EXOC4: variants seen among roughly 807,000 people sequenced by gnomAD.
EXOC4 encodes the protein SEC8-like 1.
EXOC4 carries 71 observed loss-of-function variants against 107.2 expected under a neutral mutation model. The ratio of observed to expected loss-of-function variants is 0.66; its 90% CI spans 0.55 to 0.81. The LOEUF is 0.81. Among genes scored for constraint, EXOC4 ranks in the 30% least tolerant of loss-of-function variants. The probability of loss-of-function intolerance (pLI) is 0.00; values close to 1 mark genes in which losing one functional copy is unlikely to be tolerated. For missense variants in EXOC4, 1,108 were observed against 1,189.6 expected, an observed-to-expected ratio of 0.93 and a Z score of 1.01; for synonymous variants, 456 against 441.2, an observed-to-expected ratio of 1.03 and a Z score of -0.42.
intron 9 of EXOC4, among the ~76,000 whole-genome samples, chr7:133,517,131 T>G (rs1056952028): frequency 5.3e-5 from 8 of 152,206 alleles, no homozygotes; most frequent in Non-Finnish European, 1.0e-4. Context: ...AATATTTGAT[T>G]TGTAAAAATA....
At chr7:134,004,834 T>C (rs1036034368) in intron 15 of EXOC4, 78 bp from the exon 16 acceptor site, 2 of 1,164,892 alleles carry the variant, frequency 1.7e-6, no homozygotes, top group Non-Finnish European at 2.4e-6. Flanking sequence ...TTAGTTATTT[T>C]GGTGCTCTGT....
At chr7:134,074,048 C>G in the EXOC4 span, among the ~76,000 whole-genome samples, 1 of 152,250 alleles carries the variant, frequency 6.6e-6, no homozygotes. Context: ...TCACAGTTGC[C>G]TGACACGAGG....
At chr7:133,626,091 C>T (rs1447519666) in intron 9 of EXOC4, among the ~76,000 whole-genome samples, 1 of 152,068 alleles carries the variant, frequency 6.6e-6, no homozygotes, top group Non-Finnish European at 1.5e-5. Context: ...CCTGTAATCC[C>T]AGCTACTCAG....
intron 9 of EXOC4, among the ~76,000 whole-genome samples, chr7:133,622,201 C>T (rs1483554539): frequency 6.6e-6 from 1 of 152,166 alleles, no homozygotes; most frequent in East Asian, 1.9e-4. Context: ...TCTGTAACTC[C>T]TGGCCTCAAG....
At chr7:133,384,854 G>A (rs540590894) in intron 7 of EXOC4, among the ~76,000 whole-genome samples, 13 of 150,056 alleles carry the variant, frequency 8.7e-5, no homozygotes, top group African/African-American at 3.2e-4. Context: ...GAAACTTGGT[G>A]GCTTAAGACA....
chr7:133,593,592 A>G (rs1801598677), intron 9 of EXOC4, among the ~76,000 whole-genome samples: 1 of 152,206 alleles, frequency 6.6e-6, no homozygotes, highest in African/African-American at 2.4e-5. Context: ...GGGGATGTTT[A>G]TGGATGAAAG....
the EXOC4 span, among the ~76,000 whole-genome samples, chr7:134,078,305 T>G: frequency 6.6e-6 from 1 of 151,464 alleles, no homozygotes; most frequent in Non-Finnish European, 1.5e-5. Context: ...GAAAAAAAAC[T>G]ATAATAGTTA....
chr7:133,505,573 C>G (rs1215143179), intron 9 of EXOC4, among the ~76,000 whole-genome samples: 1 of 152,052 alleles, frequency 6.6e-6, no homozygotes, highest in African/African-American at 2.4e-5. Flanking sequence ...AAGAACTTCT[C>G]TTTGTATATT....
chr7:133,990,252 T>G (rs1794219363), intron 14 of EXOC4, among the ~76,000 whole-genome samples: 1 of 150,762 alleles, frequency 6.6e-6, no homozygotes, highest in African/African-American at 2.5e-5. Context: ...TTTGTGCCCA[T>G]TAACTAACTT....
chr7:133,589,989 A>G (rs897707750), intron 9 of EXOC4, among the ~76,000 whole-genome samples: 1 of 152,118 alleles, frequency 6.6e-6, no homozygotes, highest in Admixed American at 6.5e-5. Flanking sequence ...AGGAGAGCGG[A>G]ATTTATTAAA....
chr7:133,707,261 A>G (rs934060644), intron 10 of EXOC4, among the ~76,000 whole-genome samples: 5 of 152,170 alleles, frequency 3.3e-5, no homozygotes, highest in African/African-American at 7.2e-5. Context: ...GTGCATGTCT[A>G]TAATCCCAGC....
rs1248346422 is a variant in EXOC4, at chr7:133,857,147, CGTATATATATATATATATATAT to C, written c.1735-38451_1735-38430del. Among the ~76,000 whole-genome samples, 101 of 19,100 alleles carry C rather than the reference CGTATATATATATATATATATAT, an allele frequency of 5.3e-3. 7 individuals are homozygous for C. The highest frequency in any genetic ancestry group is 0.022 in the African/African-American group (97 of 4,384). 12.5% of individuals were successfully genotyped at this position (19,100 alleles called of 152,430 possible). The stretch of plus-strand genomic sequence containing the variant: ...ATATGTATATATATATACACATACA[CGTATATATATATATATATATAT>C]ATATATATATATATATATATATATA... On this transcript the variant is annotated intron_variant, in intron 11 of 17. Transcript: ENST00000253861.
chr7:133,672,737 A>C (rs1460990592), intron 10 of EXOC4, among the ~76,000 whole-genome samples: 1 of 152,178 alleles, frequency 6.6e-6, no homozygotes, highest in Non-Finnish European at 1.5e-5. Flanking sequence ...CCAGGACACC[A>C]AGTGAAGAAA....
chr7:133,934,072 A>G (rs1450270621), intron 13 of EXOC4, among the ~76,000 whole-genome samples: 1 of 152,206 alleles, frequency 6.6e-6, no homozygotes, highest in African/African-American at 2.4e-5. Context: ...TATCATAATG[A>G]AAAATAAGCT....
intron 10 of EXOC4, among the ~76,000 whole-genome samples, chr7:133,747,695 G>T (rs1292599222): frequency 6.6e-6 from 1 of 152,036 alleles, no homozygotes; most frequent in Non-Finnish European, 1.5e-5. Context: ...ATTTACCCTT[G>T]TCAAAAAATA....
intron 10 of EXOC4, among the ~76,000 whole-genome samples, chr7:133,723,335 G>T (rs867902310): frequency 1.3e-5 from 2 of 152,152 alleles, no homozygotes; most frequent in Non-Finnish European, 2.9e-5. Flanking sequence ...CTCCCATGTT[G>T]TTTCATTCAT....
chr7:133,313,209 T>C (rs944193421), intron 4 of EXOC4, among the ~76,000 whole-genome samples: 9 of 151,278 alleles, frequency 5.9e-5, no homozygotes, highest in Non-Finnish European at 7.4e-5. Context: ...TCTGTTACCA[T>C]GTCTTCACCC....
At chr7:133,855,238 C>T (rs1309412822) in intron 11 of EXOC4, among the ~76,000 whole-genome samples, 1 of 148,736 alleles carries the variant, frequency 6.7e-6, no homozygotes, top group African/African-American at 2.5e-5. Flanking sequence ...CAGTAGAGCA[C>T]CTCTGCTGCT....
intron 10 of EXOC4, among the ~76,000 whole-genome samples, chr7:133,696,921 T>A (rs1226312020): frequency 1.3e-5 from 2 of 152,232 alleles, no homozygotes; most frequent in African/African-American, 4.8e-5. Context: ...AATTAGTCAA[T>A]CATGTGCAAT....
Sources: allele counts gnomAD v4.1 joint callset (sites outside exome capture counted in the v4.1 genomes callset), GRCh38; gene constraint gnomAD v4.1.1; transcripts MANE v1.5; gene names NCBI Gene and HGNC (gene_info 2026-07-23, HGNC 2026-07-21).